The following PHLDB2 variants were observed in gnomAD, a reference collection of about 807,000 sequenced individuals.
PHLDB2 encodes the protein pleckstrin homology like domain family B member 2.
A neutral mutation model predicts 123.6 loss-of-function variants in PHLDB2; 71 were observed. That is an observed-to-expected ratio of 0.57 (90% CI 0.47 to 0.70). PHLDB2 has a LOEUF of 0.70. Among genes scored for constraint, PHLDB2 ranks in the 30% least tolerant of loss-of-function variants. The probability of loss-of-function intolerance (pLI) is 0.00; values close to 1 mark genes in which losing one functional copy is unlikely to be tolerated. For missense variants in PHLDB2, 1,446 were observed against 1,519.5 expected (o/e 0.95, Z 0.80); for synonymous variants, 547 against 541.6 (o/e 1.01, Z -0.14).
chr3:111,920,167 G>A (rs755179066), intron 4 of PHLDB2, 115 bp from the exon 5 acceptor site: 1 of 1,195,816 alleles, frequency 8.4e-7, no homozygotes, highest in Admixed American at 2.4e-5. Flanking sequence ...ACCCGATCTG[G>A]CTGCTACAGT....
At chr3:111,874,161 G>T (rs1290698349) in intron 1 of PHLDB2, among the ~76,000 whole-genome samples, 1 of 151,970 alleles carries the variant, frequency 6.6e-6, no homozygotes, top group Non-Finnish European at 1.5e-5. Flanking sequence ...TGCTACTTTT[G>T]AATAATACCA....
chr3:111,883,568 T>G (rs753160917), intron 1 of PHLDB2, among the ~76,000 whole-genome samples: 1 of 152,214 alleles, frequency 6.6e-6, no homozygotes, highest in Non-Finnish European at 1.5e-5. Flanking sequence ...AACCCTCATG[T>G]TATTGATCAG....
intron 2 of PHLDB2, 147 bp downstream of exon 2, chr3:111,885,559 T>C: frequency 9.5e-7 from 1 of 1,049,898 alleles, no homozygotes; most frequent in South Asian, 1.3e-5. Context: ...TCTCTCCTGC[T>C]ATCCTTCTTC....
At chr3:111,770,209 A>G (rs916245661) in intron 1 of PHLDB2, among the ~76,000 whole-genome samples, 2 of 152,190 alleles carry the variant, frequency 1.3e-5, no homozygotes, top group African/African-American at 4.8e-5. Flanking sequence ...TACGTCATCA[A>G]TGTATTTTTT....
chr3:111,875,342 G>A lies in PHLDB2; in HGVS notation c.-14-8722G>A, dbSNP rs767947512. ...TTTTTGTATTTTTAGTAGAGATGGA[G>A]TTTCTCCATGTTGGTCAGGCTGGTC... On this transcript the variant is annotated intron_variant, in intron 1 of 17. Transcript: ENST00000431670. 1.0e-3 allele frequency among the ~76,000 whole-genome samples: 154 copies of A among 147,958 alleles called. 1 individual carries two copies. Among genetic ancestry groups the A allele is most frequent in the Middle Eastern group, 7.0e-3 (2 of 284 alleles).
intron 1 of PHLDB2, among the ~76,000 whole-genome samples, chr3:111,747,304 T>G (rs2059696505): frequency 6.6e-6 from 1 of 152,122 alleles, no homozygotes; most frequent in Non-Finnish European, 1.5e-5. Flanking sequence ...ATGGCAAAAT[T>G]GTGAAGACAG....
At chr3:111,968,293 CT>C (rs1235888898) in intron 15 of PHLDB2, among the ~76,000 whole-genome samples, 1 of 152,170 alleles carries the variant, frequency 6.6e-6, no homozygotes, top group African/African-American at 2.4e-5. Flanking sequence ...AGTCCAGTGT[CT>C]TTGTCATGGT....
chr3:111,821,847 A>G (rs1043439494), intron 1 of PHLDB2, among the ~76,000 whole-genome samples: 4 of 152,216 alleles, frequency 2.6e-5, no homozygotes, highest in Non-Finnish European at 4.4e-5. Context: ...CTATTTGAAC[A>G]TGTTCCTCTT....
chr3:111,899,494 G>A (rs1270479377), intron 2 of PHLDB2, among the ~76,000 whole-genome samples: 1 of 152,094 alleles, frequency 6.6e-6, no homozygotes, highest in Non-Finnish European at 1.5e-5. Flanking sequence ...TGAACAGTGG[G>A]CTTAAAATAC....
chr3:111,748,431 C>T (rs1046904598), intron 1 of PHLDB2, among the ~76,000 whole-genome samples: 6 of 152,164 alleles, frequency 3.9e-5, no homozygotes, highest in Non-Finnish European at 4.4e-5. Flanking sequence ...GAGGGCAGGG[C>T]AGGCAAAATA....
chr3:111,740,546 T>G (rs1347400983), intron 1 of PHLDB2, among the ~76,000 whole-genome samples: 1 of 152,212 alleles, frequency 6.6e-6, no homozygotes, highest in Non-Finnish European at 1.5e-5. Flanking sequence ...CTTCTCTGTT[T>G]CTACTCTATT....
intron 2 of PHLDB2, among the ~76,000 whole-genome samples, chr3:111,886,453 T>C (rs533368913): frequency 1.3e-5 from 2 of 152,072 alleles, no homozygotes; most frequent in South Asian, 4.2e-4. Flanking sequence ...TTTGCCTTTT[T>C]TTTTTTTAAG....
chr3:111,894,822 T>C (rs936699316), intron 2 of PHLDB2, among the ~76,000 whole-genome samples: 166 of 152,304 alleles, frequency 1.1e-3, no homozygotes, highest in African/African-American at 3.9e-3. Flanking sequence ...TTAAAGTAAG[T>C]ACATTTTTTG....
intron 1 of PHLDB2, among the ~76,000 whole-genome samples, chr3:111,820,158 G>GTA (rs2062304426): frequency 6.6e-6 from 1 of 152,150 alleles, no homozygotes; most frequent in African/African-American, 2.4e-5. Context: ...GCATTGGCAG[G>GTA]GGACTTGGTG....
intron 8 of PHLDB2, among the ~76,000 whole-genome samples, chr3:111,943,718 T>A (rs2070075538): frequency 6.6e-6 from 1 of 152,168 alleles, no homozygotes; most frequent in African/African-American, 2.4e-5. Flanking sequence ...CTAAAATGAC[T>A]AAAGAAGTGA....
intron 1 of PHLDB2, among the ~76,000 whole-genome samples, chr3:111,773,357 G>A (rs1023591911): frequency 6.6e-6 from 1 of 152,152 alleles, no homozygotes; most frequent in Admixed American, 6.6e-5. Context: ...TGACCCAAAT[G>A]TATGAGAAGA....
rs1209911292 is a variant in PHLDB2 at position 111,948,938 on chromosome 3, A to G, written c.2494A>G (p.Ile832Val). The G allele has an allele frequency of 6.2e-7, 1 of 1,613,888 alleles. No homozygotes were observed. Among genetic ancestry groups the G allele is most frequent in the South Asian group, 1.1e-5 (1 of 91,074 alleles). ...VNPNTLKEGYISVNEINEPCG... is the reference protein window; with the variant it reads ...VNPNTLKEGYVSVNEINEPCG... ...TCTGAATTCCTCCTTTTAGGGCTAT[A>G]TCAGTGTAAATGAGATTAATGAGCC... Residue 832 changes from isoleucine (I) to valine (V), a missense_variant, in exon 10 of 18, where the codon ATC (isoleucine) becomes GTC (valine). By Grantham distance (29) the Ile-to-Val change is conservative. Around this residue, in one of 3 missense-constraint regions of PHLDB2, gnomAD observed 594 missense variants for 646.0 expected, o/e 0.92. Transcript: ENST00000431670.
intron 1 of PHLDB2, among the ~76,000 whole-genome samples, chr3:111,824,234 T>C (rs1010067973): frequency 2.0e-5 from 3 of 152,196 alleles, no homozygotes; most frequent in African/African-American, 4.8e-5. Flanking sequence ...TTTGGTAGCT[T>C]CGACTGCCAA....
chr3:111,967,906 A>T (rs553963157), intron 15 of PHLDB2, 82 bp downstream of exon 15: 19 of 1,263,160 alleles, frequency 1.5e-5, no homozygotes, highest in Non-Finnish European at 1.9e-5. Context: ...GTGTCTGAGG[A>T]TGCTTTCCTG....
Sources: allele counts gnomAD v4.1 joint callset (sites outside exome capture counted in the v4.1 genomes callset), GRCh38; gene constraint gnomAD v4.1.1; regional missense constraint gnomAD v4.1.1; transcripts MANE v1.5; gene names NCBI Gene and HGNC (gene_info 2026-07-23, HGNC 2026-07-21).